BIN2: variants seen among roughly 807,000 people sequenced by gnomAD.
The protein encoded by BIN2 is bridging integrator 2.
Under a neutral mutation model 67.9 loss-of-function variants are expected in BIN2, and 43 were observed. That is an observed-to-expected ratio of 0.63 (90% CI 0.50 to 0.82). The LOEUF is 0.82. Among genes scored for constraint, BIN2 ranks in the 40% least tolerant of loss-of-function variants. The probability of loss-of-function intolerance (pLI) is 0.00; values close to 1 mark genes in which losing one functional copy is unlikely to be tolerated. For missense variants in BIN2, 581 were observed against 671.6 expected (o/e 0.87, Z 1.49); for synonymous variants, 244 against 246.8 (o/e 0.99, Z 0.11).
intron 8 of BIN2, among the ~76,000 whole-genome samples, 182 bp downstream of exon 8, chr12:51,296,907 T>C (rs1218229611): frequency 6.6e-6 from 1 of 152,226 alleles, no homozygotes; most frequent in Non-Finnish European, 1.5e-5. Context: ...GGCCCTCGGA[T>C]AGTGTATATA....
intron 7 of BIN2, among the ~76,000 whole-genome samples, chr12:51,297,859 G>A (rs1945611686): frequency 6.6e-6 from 1 of 152,134 alleles, no homozygotes; most frequent in African/African-American, 2.4e-5. Context: ...TTCCCTTTAT[G>A]CAATACAGGA....
chr12:51,294,395 C>T (rs1182930807), intron 9 of BIN2, among the ~76,000 whole-genome samples: 7 of 152,104 alleles, frequency 4.6e-5, no homozygotes, highest in South Asian at 4.2e-4. Context: ...GGTGAAACCG[C>T]GTCTCTACTA....
chr12:51,293,375 T>C (rs1425476496), intron 9 of BIN2, among the ~76,000 whole-genome samples: 1 of 152,210 alleles, frequency 6.6e-6, no homozygotes, highest in Non-Finnish European at 1.5e-5. Flanking sequence ...AGTGGCGCGA[T>C]CTCGGCTCAC....
intron 10 of BIN2, among the ~76,000 whole-genome samples, chr12:51,290,567 C>A (rs1945354502): frequency 6.6e-6 from 1 of 152,040 alleles, no homozygotes; most frequent in South Asian, 2.1e-4. Flanking sequence ...TGGCTCACGC[C>A]TGTAATCCCA....
At chr12:51,281,679 G>T in intron 12 of BIN2, 151 bp from the exon 13 acceptor site, 1 of 732,290 alleles carries the variant, frequency 1.4e-6, no homozygotes, top group Non-Finnish European at 2.4e-6. Flanking sequence ...TGGTTGTTGG[G>T]ATTATTGCAA....
In BIN2 at chr12:51,303,127, C is replaced by G; in HGVS notation, c.177G>C (p.Lys59Asn). 1 of 1,614,154 alleles carries G rather than the reference C, an allele frequency of 6.2e-7. No homozygotes were observed. Among genetic ancestry groups the G allele is most frequent in the Non-Finnish European group, 8.5e-7 (1 of 1,179,982 alleles). ...NFYQQQAEGH[K>N]LYKDLKNFLS... Reference sequence around the variant, plus strand: ...GGAAGTTCTTCAGGTCCTTGTACAGCTTGTGGCCTTCTGCCTGAAAGAGAA... The same window carrying G: ...GGAAGTTCTTCAGGTCCTTGTACAGGTTGTGGCCTTCTGCCTGAAAGAGAA... The change falls in exon 3 of 13, where the codon AAG becomes AAC. Residue 59 changes from lysine to asparagine, a missense_variant. Physicochemically the swap from Lys to Asn is moderately conservative, Grantham distance 94. Coordinates refer to ENST00000615107, the MANE Select transcript of BIN2 (RefSeq NM_016293.4).
In BIN2 at chr12:51,313,896, T is replaced by C; in HGVS notation, c.89A>G (p.Gln30Arg). 1 of 1,613,852 alleles carries C rather than the reference T, an allele frequency of 6.2e-7. No homozygotes were observed. The highest frequency in any genetic ancestry group is 8.5e-7 in the Non-Finnish European group (1 of 1,179,730). Residue 30 changes from glutamine (Q) to arginine (R), a missense_variant, in exon 2 of 13, where the codon CAG becomes CGG. Physicochemically the swap from Gln to Arg is conservative, Grantham distance 43. Coordinates refer to ENST00000615107, the MANE Select transcript of BIN2 (RefSeq NM_016293.4). The part of the protein sequence containing the change: ...KFSRAQEKVL[Q>R]KLGKAVETKD... ...GGTTTCTACAGCTTTCCCCAATTTC[T>C]GCAGCACCTAGGGATATAAGTCAGA... is the stretch of plus-strand genomic sequence containing the variant.
At chr12:51,306,895 A>C (rs892445804) in intron 2 of BIN2, among the ~76,000 whole-genome samples, 6 of 152,178 alleles carry the variant, frequency 3.9e-5, no homozygotes, top group Admixed American at 1.3e-4. Flanking sequence ...CATCTTTTAA[A>C]TGTGGATAAG....
At chr12:51,324,467 C>A (rs1451914292), upstream of BIN2, 1 of 1,516,766 alleles carries the variant, frequency 6.6e-7, no homozygotes, top group Admixed American at 2.1e-5. Flanking sequence ...CAACTGCCAC[C>A]GCAGGGTAGA....
rs994809829 is a variant in BIN2 at position 51,302,964 on chromosome 12, G to A, written c.217+123C>T. On this transcript the variant is annotated intron_variant, in intron 3 of 12. Transcript: ENST00000615107. ...CTCTTCCTCAGCCCACAAAATTCCAGGAGTCAAGAGTAGTCAAATGATAAA... is the reference window on the plus strand; with the variant it reads ...CTCTTCCTCAGCCCACAAAATTCCAAGAGTCAAGAGTAGTCAAATGATAAA... 3 of 1,249,652 alleles carry A rather than the reference G, an allele frequency of 2.4e-6. No homozygotes were observed. In the African/African-American group the frequency reaches 4.5e-5, roughly 19 times the overall value. 77.4% of individuals were successfully genotyped at this position (1,249,652 alleles called of 1,614,324 possible). A position where few individuals can be genotyped will look rare whatever the true frequency, so the allele number is the denominator to read the frequency against.
In BIN2 at chr12:51,287,195, A is replaced by T. The variant is rs186086581; in HGVS notation, c.1596+913T>A. Among the ~76,000 whole-genome samples, 16 of 152,212 alleles carry T rather than the reference A, an allele frequency of 1.1e-4. No individual in the cohort carries two copies. The Middle Eastern group carries it at 0.027, about 259-fold the overall frequency. On this transcript the variant is annotated intron_variant, in intron 11 of 12. Coordinates refer to ENST00000615107, the MANE Select transcript of BIN2 (RefSeq NM_016293.4). Reference sequence around the variant, plus strand: ...CACTATGTTGCCCAAGCTGGAGTGCAGTGGCTATTCACAGGTGTGATCGTA... The same window carrying T: ...CACTATGTTGCCCAAGCTGGAGTGCTGTGGCTATTCACAGGTGTGATCGTA...
intron 1 of BIN2, among the ~76,000 whole-genome samples, chr12:51,316,919 C>T (rs1450576297): frequency 1.3e-5 from 2 of 152,072 alleles, no homozygotes; most frequent in Non-Finnish European, 2.9e-5. Context: ...TCTTGTTGCC[C>T]AGGCTGGAGT....
chr12:51,281,361 A>C lies in BIN2; in HGVS notation c.*138T>G, dbSNP rs1466039429. On this transcript the variant is annotated 3_prime_UTR_variant, in exon 13 of 13. Transcript: ENST00000615107. ...CTGCTCCTCCGCCTCCATTAATGCC[A>C]GGTCTTTAGACAGCACCAGCATTCC... 2.2e-6 allele frequency: 2 copies of C among 901,254 alleles called. No individual in the cohort carries two copies. The highest frequency in any genetic ancestry group is 3.3e-5 in the African/African-American group (2 of 60,566). 55.8% of individuals were successfully genotyped at this position (901,254 alleles called of 1,614,324 possible).
In BIN2 at chr12:51,291,862, C is replaced by T. The variant is rs772997997; in HGVS notation, c.1244G>A (p.Ser415Asn). The change falls in exon 10 of 13, where the codon AGT (serine) becomes AAT (asparagine). Residue 415 changes from serine (S) to asparagine (N), a missense_variant. Coordinates refer to ENST00000615107, the MANE Select transcript of BIN2 (RefSeq NM_016293.4). The stretch of plus-strand genomic sequence containing the variant: ...AGTGGCTCTGGGTGGAGGAGGCCTA[C>T]TAGGGGGTGCTGAGGTCCTCTGGAT... ...ASIQRTSAPP[S>N]RPPPPRATAS... The T allele has an allele frequency of 3.6e-5, 58 of 1,613,942 alleles. No homozygotes were observed. The highest frequency in any genetic ancestry group is 4.8e-5 in the Non-Finnish European group (57 of 1,179,994).
chr12:51,290,916 G>A (rs961168842), intron 10 of BIN2, among the ~76,000 whole-genome samples: 1 of 149,774 alleles, frequency 6.7e-6, no homozygotes, highest in African/African-American at 2.4e-5. Flanking sequence ...CTGGGCGACA[G>A]AGCGAGACTC....
chr12:51,284,570 G>T (rs1945191130), intron 12 of BIN2, 146 bp downstream of exon 12: 3 of 606,620 alleles, frequency 4.9e-6, no homozygotes, highest in Non-Finnish European at 5.9e-6. Context: ...GTTCATTCTT[G>T]TTTCCTCTGA....
At chr12:51,298,538 C>A in intron 7 of BIN2, among the ~76,000 whole-genome samples, 1 of 151,138 alleles carries the variant, frequency 6.6e-6, no homozygotes, top group Admixed American at 6.6e-5. Context: ...GACCCTGTCT[C>A]AAAATAAATA....
At chr12:51,293,995 A>G (rs1309439320) in intron 9 of BIN2, among the ~76,000 whole-genome samples, 1 of 152,216 alleles carries the variant, frequency 6.6e-6, no homozygotes, top group East Asian at 1.9e-4. Context: ...TATAGACCCT[A>G]AAGAAACTCT....
chr12:51,301,183 A>C lies in BIN2; in HGVS notation c.408+837T>G, dbSNP rs140763337. On this transcript the variant is annotated intron_variant, in intron 5 of 12. Coordinates refer to ENST00000615107, the MANE Select transcript of BIN2 (RefSeq NM_016293.4). Reference sequence around the variant, plus strand: ...CAGTGAGCCAAGACTGCGCCATTGCACTCCACCCTGGGCAACAGAGCAAGA... The same window carrying C: ...CAGTGAGCCAAGACTGCGCCATTGCCCTCCACCCTGGGCAACAGAGCAAGA... Among the ~76,000 whole-genome samples, 1,248 of 152,054 alleles carry C rather than the reference A, an allele frequency of 8.2e-3. 19 individuals carry two copies. The highest frequency in any genetic ancestry group is 0.028 in the African/African-American group (1,181 of 41,458).
Sources: gnomAD v4.1 joint callset for allele counts (sites outside exome capture counted in the v4.1 genomes callset) on GRCh38, gnomAD v4.1.1 for gene constraint, MANE v1.5 for transcripts, NCBI Gene and HGNC (gene_info 2026-07-23, HGNC 2026-07-21) for gene names.